The following ELFN2 variants were observed in gnomAD, a reference collection of about 807,000 sequenced individuals.
ELFN2 encodes protein phosphatase 1 regulatory subunit 29.
In ELFN2, 17 loss-of-function variants were observed where a neutral mutation model predicts 45.5. The ratio of observed to expected loss-of-function variants is 0.37; its 90% CI spans 0.26 to 0.56. The LOEUF (loss-of-function observed/expected upper bound fraction) is 0.56. ELFN2 is among the 20% of genes least tolerant of loss of function. The pLI, the probability that ELFN2 is intolerant of heterozygous loss-of-function variation, is 0.77. For missense variants in ELFN2, 922 were observed against 1,183.2 expected, an observed-to-expected ratio of 0.78 and a Z score of 3.24; for synonymous variants, 550 against 551.5, an observed-to-expected ratio of 1.00 and a Z score of 0.04.
intron 2 of ELFN2, among the ~76,000 whole-genome samples, chr22:37,406,516 C>A (rs1466667455): frequency 6.6e-6 from 1 of 152,084 alleles, no homozygotes; most frequent in East Asian, 1.9e-4. Context: ...ACCCCCCACT[C>A]CCACCGCCCC....
intron 1 of ELFN2, among the ~76,000 whole-genome samples, chr22:37,424,102 G>C (rs1932830439): frequency 1.3e-5 from 2 of 152,126 alleles, no homozygotes; most frequent in African/African-American, 4.8e-5. Context: ...TCACAACATG[G>C]GGCAGGTGGG....
At chr22:37,361,304 A>T (rs367608051) in intron 1 of ELFN2, among the ~76,000 whole-genome samples, 46 of 152,224 alleles carry the variant, frequency 3.0e-4, no homozygotes, top group African/African-American at 1.1e-3. Context: ...AAGACACTCC[A>T]AATGTAAAGT....
chr22:37,342,869 A>G (rs1930595744), intron 1 of ELFN2, among the ~76,000 whole-genome samples: 1 of 152,146 alleles, frequency 6.6e-6, no homozygotes, highest in Non-Finnish European at 1.5e-5. Context: ...CCAGGCCCAG[A>G]CAGGTAGATC....
At chr22:37,383,146 G>A (rs543271518) in intron 2 of ELFN2, among the ~76,000 whole-genome samples, 4 of 152,254 alleles carry the variant, frequency 2.6e-5, no homozygotes, top group African/African-American at 4.8e-5. Context: ...CTCTTACAAC[G>A]TGTCGCCTGG....
intron 1 of ELFN2, among the ~76,000 whole-genome samples, chr22:37,345,419 A>G (rs1057466200): frequency 6.6e-6 from 1 of 152,108 alleles, no homozygotes; most frequent in African/African-American, 2.4e-5. Flanking sequence ...TATGCATAAC[A>G]TGCATTAATA....
chr22:37,403,214 C>G (rs1224145960), intron 2 of ELFN2, among the ~76,000 whole-genome samples: 3 of 147,094 alleles, frequency 2.0e-5, no homozygotes, highest in Non-Finnish European at 4.5e-5. Context: ...TGCACCTGTC[C>G]ATCCATTCAT....
At chr22:37,345,011 G>C (rs60504186) in intron 1 of ELFN2, among the ~76,000 whole-genome samples, 20,397 of 152,174 alleles carry the variant, frequency 0.13, 1,569 homozygotes, top group East Asian at 0.29. Context: ...ACCTGCCCCT[G>C]AGGGGCCACG....
intron 1 of ELFN2, among the ~76,000 whole-genome samples, chr22:37,345,075 G>A (rs1930663741): frequency 6.6e-6 from 1 of 152,208 alleles, no homozygotes; most frequent in South Asian, 2.1e-4. Context: ...CACTGCACCA[G>A]GCACTGCCCC....
downstream of ELFN2, among the ~76,000 whole-genome samples, chr22:37,365,551 A>G (rs1296901696): frequency 6.6e-6 from 1 of 152,184 alleles, no homozygotes; most frequent in Non-Finnish European, 1.5e-5. Flanking sequence ...GATATCTTGG[A>G]AAAAAAGAAG....
intron 2 of ELFN2, among the ~76,000 whole-genome samples, chr22:37,386,167 C>T (rs1931940726): frequency 6.6e-6 from 1 of 152,184 alleles, no homozygotes; most frequent in Non-Finnish European, 1.5e-5. Context: ...TCCCACCCCA[C>T]AGAACACTGC....
downstream of ELFN2, among the ~76,000 whole-genome samples, chr22:37,365,672 C>T (rs1018864770): frequency 1.3e-5 from 2 of 152,160 alleles, no homozygotes; most frequent in African/African-American, 4.8e-5. Context: ...GTGGGGTGCC[C>T]CTGGCAACTA....
At chr22:37,395,919 C>T (rs1932203442) in intron 2 of ELFN2, among the ~76,000 whole-genome samples, 1 of 152,194 alleles carries the variant, frequency 6.6e-6, no homozygotes, top group African/African-American at 2.4e-5. Flanking sequence ...ACAGACCCAA[C>T]AGGAAGCCAG....
chr22:37,382,061 G>A (rs1341012169), intron 2 of ELFN2, among the ~76,000 whole-genome samples: 1 of 148,642 alleles, frequency 6.7e-6, no homozygotes, highest in African/African-American at 2.5e-5. Context: ...AAAATGTGCC[G>A]AGCCTTCCTT....
intron 2 of ELFN2, among the ~76,000 whole-genome samples, chr22:37,388,599 C>T (rs982179711): frequency 3.3e-5 from 5 of 152,196 alleles, no homozygotes; most frequent in African/African-American, 1.2e-4. Flanking sequence ...CTCTTCTGCT[C>T]CCTGGGGAAG....
intron 1 of ELFN2, among the ~76,000 whole-genome samples, chr22:37,361,344 C>T (rs937490478): frequency 6.6e-6 from 1 of 151,976 alleles, no homozygotes; most frequent in African/African-American, 2.4e-5. Flanking sequence ...CTCCCTACCC[C>T]CTTATCCTGC....
chr22:37,389,836 G>A (rs117865050), intron 2 of ELFN2, among the ~76,000 whole-genome samples: 2,981 of 152,260 alleles, frequency 0.02, 48 homozygotes, highest in Middle Eastern at 0.031. Flanking sequence ...AAGGCCTGGC[G>A]CATAGTAGGC....
intron 1 of ELFN2, among the ~76,000 whole-genome samples, chr22:37,426,640 CACACACACAA>C (rs1472451797): frequency 1.6e-5 from 2 of 128,308 alleles, no homozygotes; most frequent in Non-Finnish European, 3.7e-5. Flanking sequence ...CGCGCTCGCA[CACACACACAA>C]ACACACACAC....
downstream of ELFN2, among the ~76,000 whole-genome samples, chr22:37,365,870 A>G (rs1931192672): frequency 6.6e-6 from 1 of 150,994 alleles, no homozygotes; most frequent in Non-Finnish European, 1.5e-5. Context: ...ATGAAAGTTC[A>G]CCTTTTTGTC....
intron 2 of ELFN2, among the ~76,000 whole-genome samples, chr22:37,395,839 G>A (rs1474825634): frequency 6.6e-6 from 1 of 152,188 alleles, no homozygotes; most frequent in Non-Finnish European, 1.5e-5. Flanking sequence ...GGGAGGGGCA[G>A]GGAGCCACCT....
Sources: gnomAD v4.1 joint callset for allele counts (sites outside exome capture counted in the v4.1 genomes callset) on GRCh38, gnomAD v4.1.1 for gene constraint, MANE v1.5 for transcripts, NCBI Gene and HGNC (gene_info 2026-07-23, HGNC 2026-07-21) for gene names.